Variants in MFSD11 observed in about 807,000 individuals in gnomAD.
The protein encoded by MFSD11 is major facilitator superfamily domain containing 11, also known as UNC93-like protein MFSD11.
A neutral mutation model predicts 53.5 loss-of-function variants in MFSD11; 36 were observed. That is an observed-to-expected ratio of 0.67 (90% CI 0.52 to 0.89). The LOEUF (loss-of-function observed/expected upper bound fraction) is 0.89, where lower values mean the gene tolerates loss of function less well. Ranked by LOEUF, MFSD11 falls within the 40% of genes least tolerant of loss-of-function variation. The pLI is 0.00. For synonymous variants in MFSD11, 186 were observed against 184.9 expected (o/e 1.01, Z -0.05); for missense variants, 530 against 543.9 (o/e 0.97, Z 0.25).
intron 7 of MFSD11, among the ~76,000 whole-genome samples, chr17:76,745,859 G>A (rs562868208): frequency 2.0e-4 from 31 of 151,602 alleles, no homozygotes; most frequent in Non-Finnish European, 3.7e-4. Flanking sequence ...ACGGAGTCTC[G>A]CTCTGTCACC....
chr17:76,744,001 G>A (rs146113979), intron 6 of MFSD11, among the ~76,000 whole-genome samples: 3 of 152,282 alleles, frequency 2.0e-5, no homozygotes, highest in Non-Finnish European at 4.4e-5. Context: ...TGCTGTGCAC[G>A]AGCTTACGAG....
chr17:76,797,705 C>A, the MFSD11 span, among the ~76,000 whole-genome samples: 1 of 151,970 alleles, frequency 6.6e-6, no homozygotes, highest in African/African-American at 2.4e-5. Context: ...TTACCCAGCC[C>A]CTATTTAAGT....
chr17:76,781,365 G>C (rs7221130), downstream of MFSD11: 1 of 152,186 alleles, frequency 6.6e-6, no homozygotes, highest in South Asian at 2.1e-4. Context: ...GAGAGAACGA[G>C]AGCAAGACAA....
At chr17:76,794,291 C>T in the MFSD11 span, among the ~76,000 whole-genome samples, 1 of 150,910 alleles carries the variant, frequency 6.6e-6, no homozygotes, top group Non-Finnish European at 1.5e-5. Context: ...CGAGACCAGC[C>T]TGGCCAACAT....
intron 1 of MFSD11, 62 bp downstream of exon 1, chr17:76,738,510 A>G (rs1700411120): frequency 8.2e-7 from 1 of 1,218,086 alleles, no homozygotes; most frequent in Non-Finnish European, 1.2e-6. Flanking sequence ...CAGAAATGAA[A>G]ATAAACGTTC....
chr17:76,799,044 AAAG>A, the MFSD11 span: 1 of 151,938 alleles, frequency 6.6e-6, no homozygotes, highest in African/African-American at 2.4e-5. Flanking sequence ...AAAAAAAAAA[AAAG>A]AAAATATGGA....
the MFSD11 span, among the ~76,000 whole-genome samples, chr17:76,790,250 A>T: frequency 6.8e-6 from 1 of 147,358 alleles, no homozygotes; most frequent in Non-Finnish European, 1.5e-5. Context: ...TATTTTTAGT[A>T]GAGACAGGGT....
At chr17:76,749,889 C>CAA (rs1187568956) in intron 7 of MFSD11, among the ~76,000 whole-genome samples, 8 of 63,840 alleles carry the variant, frequency 1.3e-4, no homozygotes, top group Admixed American at 5.6e-4. Flanking sequence ...GACTCCTTCT[C>CAA]AAAAAAAAAA....
chr17:76,747,396 G>A (rs541258964), intron 7 of MFSD11, among the ~76,000 whole-genome samples: 20 of 151,930 alleles, frequency 1.3e-4, no homozygotes, highest in African/African-American at 2.9e-4. Flanking sequence ...GTGCAATGGC[G>A]TAGTCTTGGC....
the MFSD11 span, among the ~76,000 whole-genome samples, chr17:76,797,086 T>C: frequency 6.6e-6 from 1 of 152,084 alleles, no homozygotes; most frequent in Non-Finnish European, 1.5e-5. Context: ...GGAGAATTGC[T>C]GGAACCCAGG....
intron 2 of MFSD11, among the ~76,000 whole-genome samples, chr17:76,739,198 T>C (rs1193101116): frequency 6.6e-6 from 1 of 152,228 alleles, no homozygotes; most frequent in East Asian, 1.9e-4. Context: ...AAATCCTGAC[T>C]CTACAAGGTA....
chr17:76,736,807 C>G, upstream of MFSD11: 1 of 1,573,048 alleles, frequency 6.4e-7, no homozygotes, highest in African/African-American at 1.3e-5. Context: ...ACCTGCGGCT[C>G]CGGCGTCCGT....
chr17:76,767,345 C>A, intron 8 of MFSD11, 41 bp from the exon 9 acceptor site: 1 of 1,254,010 alleles, frequency 8.0e-7, no homozygotes, highest in Non-Finnish European at 1.2e-6. Context: ...GTTTTATTAA[C>A]TAAAATCTAA....
At chr17:76,737,119 G>C (rs546284289), upstream of MFSD11, 46 of 1,603,832 alleles carry the variant, frequency 2.9e-5, 1 homozygote, top group Admixed American at 7.8e-4. Flanking sequence ...CCTTGAGGGA[G>C]GTCATACCCT....
chr17:76,769,649 TA>T lies in MFSD11; in HGVS notation c.749-96del, dbSNP rs542326715. ...CAGTCTCTGTGAGTTTTATGTGTTT[TA>T]CTACGCAAGTATTCTTTCGTCAGAT... On this transcript the variant is annotated intron_variant, in intron 9 of 12. Coordinates refer to ENST00000685175, the MANE Select transcript of MFSD11 (RefSeq NM_001242532.5). 5.4e-3 allele frequency: 4,970 copies of T among 914,084 alleles called. 22 individuals carry two copies. Among genetic ancestry groups the T allele is most frequent in the Non-Finnish European group, 6.8e-3 (4,120 of 601,978 alleles). 56.6% of individuals were successfully genotyped at this position (914,084 alleles called of 1,614,324 possible).
At chr17:76,745,073 A>G (rs1178364690) in intron 7 of MFSD11, among the ~76,000 whole-genome samples, 1 of 152,242 alleles carries the variant, frequency 6.6e-6, no homozygotes, top group Admixed American at 6.5e-5. Flanking sequence ...GACACTATTT[A>G]AGCATGACAG....
chr17:76,779,331 C>T lies in MFSD11; in HGVS notation c.*979C>T, dbSNP rs1430418436. 1 of 149,124 alleles carries T rather than the reference C, an allele frequency of 6.7e-6. No individual in the cohort carries two copies. The highest frequency in any genetic ancestry group is 1.5e-5 in the Non-Finnish European group (1 of 67,430). 9.2% of individuals were successfully genotyped at this position (149,124 alleles called of 1,614,324 possible). A position where few individuals can be genotyped will look rare whatever the true frequency, so the allele number is the denominator to read the frequency against. On this transcript the variant is annotated 3_prime_UTR_variant, in exon 13 of 13. Transcript: ENST00000685175. ...ATAATGAAAAATAAATAACAAGATG[C>T]TGAAATGAAATATTGATTTTGAAAA... is the stretch of plus-strand genomic sequence containing the variant.
chr17:76,742,962 A>G (rs1176732221), intron 5 of MFSD11, among the ~76,000 whole-genome samples: 1 of 152,252 alleles, frequency 6.6e-6, no homozygotes, highest in Non-Finnish European at 1.5e-5. Context: ...AGAGTTGTAT[A>G]TTAAGAAACT....
intron 7 of MFSD11, among the ~76,000 whole-genome samples, chr17:76,752,099 A>T (rs1403711354): frequency 1.3e-5 from 2 of 152,244 alleles, no homozygotes; most frequent in African/African-American, 4.8e-5. Flanking sequence ...TTGCAGATTA[A>T]TGAAAGCAAA....
Sources: allele counts gnomAD v4.1 joint callset (sites outside exome capture counted in the v4.1 genomes callset), GRCh38; gene constraint gnomAD v4.1.1; transcripts MANE v1.5; gene names NCBI Gene and HGNC (gene_info 2026-07-23, HGNC 2026-07-21).